Variants in CNTN4 observed in about 807,000 individuals in gnomAD.
The protein encoded by CNTN4 is contactin 4, also known as contactin-4.
In CNTN4, 77 loss-of-function variants were observed where a neutral mutation model predicts 122.5. The observed-to-expected ratio is 0.63, with a 90% CI of 0.52 to 0.76. The LOEUF is 0.76. Ranked by LOEUF, CNTN4 falls within the 30% of genes least tolerant of loss-of-function variation. The probability of loss-of-function intolerance (pLI) is 0.00; values close to 1 mark genes in which losing one functional copy is unlikely to be tolerated. For synonymous variants in CNTN4, 512 were observed against 447.0 expected (o/e 1.15, Z -1.83); for missense variants, 1,256 against 1,259.1 (o/e 1.00, Z 0.04).
At chr3:2,799,859 A>G (rs1037925958) in intron 6 of CNTN4, among the ~76,000 whole-genome samples, 1 of 151,936 alleles carries the variant, frequency 6.6e-6, no homozygotes, top group African/African-American at 2.4e-5. Context: ...ATGACAATCC[A>G]TTTTTCCCAG....
At chr3:2,101,997 T>C (rs559727120) in intron 2 of CNTN4, among the ~76,000 whole-genome samples, 2 of 152,214 alleles carry the variant, frequency 1.3e-5, no homozygotes, top group Non-Finnish European at 2.9e-5. Flanking sequence ...CTGTAACAAA[T>C]AGATTAAGCA....
rs914759340 is a variant in CNTN4 at position 2,709,985 on chromosome 3, G to A, written c.56-26230G>A. Among the ~76,000 whole-genome samples, 2 of 152,104 alleles carry A rather than the reference G, an allele frequency of 1.3e-5. No homozygotes were observed. Among genetic ancestry groups the A allele is most frequent in the Non-Finnish European group, 2.9e-5 (2 of 68,024 alleles). ...ATGCTTATTGCTGAAACCCTCCTTTGTTAACATTTTAAATTGTCGCTCTAT... is the reference window on the plus strand; with the variant it reads ...ATGCTTATTGCTGAAACCCTCCTTTATTAACATTTTAAATTGTCGCTCTAT... On this transcript the variant is annotated intron_variant, in intron 4 of 24. Coordinates refer to ENST00000418658, the MANE Select transcript of CNTN4 (RefSeq NM_175607.3). This position sits in a 1 kb window ranked among gnomAD's most constrained non-coding sequence, Gnocchi z 5.0.
chr3:2,360,336 G>A (rs2045074597), intron 3 of CNTN4, among the ~76,000 whole-genome samples: 1 of 152,018 alleles, frequency 6.6e-6, no homozygotes, highest in Admixed American at 6.5e-5. Flanking sequence ...AAATGTTTCT[G>A]GAATCCTTAG....
At chr3:2,705,115 T>C (rs1226650628) in intron 4 of CNTN4, among the ~76,000 whole-genome samples, 3 of 151,724 alleles carry the variant, frequency 2.0e-5, no homozygotes, top group African/African-American at 7.3e-5. Flanking sequence ...ATAAGAATTC[T>C]CAGCTGGCTT....
chr3:2,319,498 G>A (rs1359732890), intron 2 of CNTN4, among the ~76,000 whole-genome samples: 1 of 152,060 alleles, frequency 6.6e-6, no homozygotes, highest in Non-Finnish European at 1.5e-5. Context: ...AGAGACAGCA[G>A]AACTAATCCC....
chr3:2,198,671 A>G (rs1371934322), intron 2 of CNTN4, among the ~76,000 whole-genome samples: 1 of 152,162 alleles, frequency 6.6e-6, no homozygotes, highest in African/African-American at 2.4e-5. Context: ...TCCCTTCCCC[A>G]TCATCAGGGA....
intron 2 of CNTN4, among the ~76,000 whole-genome samples, chr3:2,300,560 CTTTTTTTTTTTT>C (rs575192976): frequency 6.1e-4 from 38 of 62,018 alleles, no homozygotes; most frequent in African/African-American, 1.5e-3. Context: ...CAGTGACCGT[CTTTTTTTTTTTT>C]TTTTTTTTTT....
chr3:2,353,432 C>A (rs976385500), intron 3 of CNTN4, among the ~76,000 whole-genome samples: 1 of 152,148 alleles, frequency 6.6e-6, no homozygotes, highest in Non-Finnish European at 1.5e-5. Context: ...ATTGTGGAAG[C>A]TTTGTTCTTT....
At chr3:2,584,638 A>G (rs1401319684) in intron 4 of CNTN4, among the ~76,000 whole-genome samples, 2 of 140,456 alleles carry the variant, frequency 1.4e-5, no homozygotes, top group African/African-American at 5.2e-5. Flanking sequence ...TGGAGGTTGC[A>G]GTGAGCTGAG....
chr3:2,473,135 G>A (rs1207088350), intron 3 of CNTN4, among the ~76,000 whole-genome samples: 1 of 151,146 alleles, frequency 6.6e-6, no homozygotes, highest in Non-Finnish European at 1.5e-5. Flanking sequence ...GGAGGCTGAG[G>A]CAGGAGAATC....
chr3:2,883,049 A>T, intron 8 of CNTN4, 96 bp from the exon 9 acceptor site: 2 of 801,410 alleles, frequency 2.5e-6, no homozygotes, highest in Non-Finnish European at 4.2e-6. Context: ...GCACATAATG[A>T]TGTGTATAAG....
chr3:2,706,838 G>A (rs2086770213), intron 4 of CNTN4, among the ~76,000 whole-genome samples: 1 of 152,052 alleles, frequency 6.6e-6, no homozygotes, highest in African/African-American at 2.4e-5. Flanking sequence ...TATGACCTTG[G>A]ACAAGTCTCT....
chr3:2,680,913 T>C (rs2085130013), intron 4 of CNTN4, among the ~76,000 whole-genome samples: 1 of 152,218 alleles, frequency 6.6e-6, no homozygotes, highest in Non-Finnish European at 1.5e-5. Context: ...TTCTGTTTTC[T>C]AGATGTTCTA....
At chr3:2,563,405 T>C (rs1461467006) in intron 3 of CNTN4, among the ~76,000 whole-genome samples, 1 of 152,210 alleles carries the variant, frequency 6.6e-6, no homozygotes, top group Admixed American at 6.5e-5. Context: ...CCTTCAAGGT[T>C]TTTTTAAAGA....
At chr3:2,426,685 G>A (rs972022901) in intron 3 of CNTN4, among the ~76,000 whole-genome samples, 2 of 152,172 alleles carry the variant, frequency 1.3e-5, no homozygotes, top group African/African-American at 4.8e-5. Flanking sequence ...ATTCAGCTGT[G>A]AATCTGTCTG....
intron 13 of CNTN4, among the ~76,000 whole-genome samples, chr3:2,955,525 G>T (rs1199529492): frequency 6.6e-6 from 1 of 152,162 alleles, no homozygotes; most frequent in Non-Finnish European, 1.5e-5. Context: ...GACAGAGTGA[G>T]AATCATTTTC....
chr3:2,917,340 G>A (rs371305977), intron 12 of CNTN4, among the ~76,000 whole-genome samples: 3 of 130,358 alleles, frequency 2.3e-5, no homozygotes, highest in Admixed American at 8.0e-5. Flanking sequence ...GCGGAATAGG[G>A]AGAGGAAGAG....
chr3:2,569,558 C>G (rs2079329210), intron 3 of CNTN4, among the ~76,000 whole-genome samples: 1 of 151,978 alleles, frequency 6.6e-6, no homozygotes, highest in Admixed American at 6.6e-5. Flanking sequence ...TACATGAAAG[C>G]TAAAATAACA....
At chr3:2,920,642 C>G (rs142596815) in intron 12 of CNTN4, among the ~76,000 whole-genome samples, 1 of 151,990 alleles carries the variant, frequency 6.6e-6, no homozygotes, top group African/African-American at 2.4e-5. Context: ...AAGAAAAGTC[C>G]GTGATAATGG....
Sources: gnomAD v4.1 joint callset for allele counts (sites outside exome capture counted in the v4.1 genomes callset) on GRCh38, gnomAD v4.1.1 for gene constraint, Gnocchi (gnomAD v3.1) non-coding constraint, MANE v1.5 for transcripts, NCBI Gene and HGNC (gene_info 2026-07-23, HGNC 2026-07-21) for gene names.